GRIK2: variants seen among roughly 807,000 people sequenced by gnomAD.
GRIK2 encodes the protein glutamate receptor ionotropic, kainate 2.
A neutral mutation model predicts 100.3 loss-of-function variants in GRIK2; 32 were observed. That is an observed-to-expected ratio of 0.32 (90% CI 0.24 to 0.43). The LOEUF is 0.43. Ranked by LOEUF, GRIK2 falls within the 20% of genes least tolerant of loss-of-function variation. GRIK2 has a pLI of 1.00. For synonymous variants in GRIK2, 417 were observed against 389.4 expected (o/e 1.07, Z -0.83); for missense variants, 843 against 1,114.9 (o/e 0.76, Z 3.47).
chr6:101,783,048 T>C (rs181073450), intron 7 of GRIK2, among the ~76,000 whole-genome samples: 129 of 151,912 alleles, frequency 8.5e-4, no homozygotes, highest in African/African-American at 2.8e-3. Flanking sequence ...TTAGTAGAGA[T>C]GGGGTTTCAC....
intron 2 of GRIK2, among the ~76,000 whole-genome samples, chr6:101,423,972 G>A (rs764065323): frequency 9.2e-5 from 14 of 152,084 alleles, no homozygotes; most frequent in Non-Finnish European, 2.1e-4. Flanking sequence ...AGGTAGCTGT[G>A]GGAGTGGTAA....
intron 2 of GRIK2, among the ~76,000 whole-genome samples, chr6:101,593,408 A>G (rs191785228): frequency 2.6e-5 from 4 of 151,930 alleles, no homozygotes; most frequent in Admixed American, 6.6e-5. Context: ...AGATTTCTGT[A>G]GTTATTTATA....
intron 7 of GRIK2, among the ~76,000 whole-genome samples, chr6:101,789,070 C>A (rs774862874): frequency 2.6e-4 from 39 of 151,232 alleles, no homozygotes; most frequent in African/African-American, 5.3e-4. Flanking sequence ...TTTTTCTTGT[C>A]AATTTGTTTG....
intron 2 of GRIK2, among the ~76,000 whole-genome samples, chr6:101,534,845 C>T (rs1188905361): frequency 1.3e-5 from 2 of 151,270 alleles, no homozygotes; most frequent in Non-Finnish European, 3.0e-5. Flanking sequence ...TTTTTCAAAG[C>T]TTTTGATTTT....
At chr6:101,823,412 T>C (rs1782089309) in intron 10 of GRIK2, among the ~76,000 whole-genome samples, 1 of 152,078 alleles carries the variant, frequency 6.6e-6, no homozygotes, top group Non-Finnish European at 1.5e-5. Flanking sequence ...TTATGGATCG[T>C]CAACTACAGG....
chr6:101,778,772 A>T (rs1347198308), intron 7 of GRIK2, among the ~76,000 whole-genome samples: 1 of 152,114 alleles, frequency 6.6e-6, no homozygotes, highest in Non-Finnish European at 1.5e-5. Flanking sequence ...ACTTTTTTCA[A>T]AGAAAAGCTA....
At chr6:101,749,825 T>TTTTTTTG (rs1554257875) in intron 7 of GRIK2, among the ~76,000 whole-genome samples, 3 of 138,098 alleles carry the variant, frequency 2.2e-5, no homozygotes, top group African/African-American at 9.2e-5. Context: ...TTTTTTTTTT[T>TTTTTTTG]TGTGTGAGAC....
chr6:101,828,348 C>A (rs538708711), intron 10 of GRIK2, among the ~76,000 whole-genome samples: 1 of 151,904 alleles, frequency 6.6e-6, no homozygotes, highest in South Asian at 2.1e-4. Flanking sequence ...AAATTAACAA[C>A]CTAATCTCAA....
chr6:101,652,370 G>C (rs1262291985), intron 4 of GRIK2, among the ~76,000 whole-genome samples: 1 of 152,098 alleles, frequency 6.6e-6, no homozygotes, highest in East Asian at 1.9e-4. Flanking sequence ...CCACAACTAA[G>C]AAGAAGATTC....
At chr6:101,435,448 A>T (rs186537203) in intron 2 of GRIK2, among the ~76,000 whole-genome samples, 1 of 151,102 alleles carries the variant, frequency 6.6e-6, no homozygotes, top group African/African-American at 2.4e-5. Context: ...ATTGGGGAAT[A>T]GCAACCCCCT....
intron 7 of GRIK2, among the ~76,000 whole-genome samples, chr6:101,754,157 G>A (rs996281317): frequency 6.6e-6 from 1 of 151,970 alleles, no homozygotes; most frequent in Non-Finnish European, 1.5e-5. Context: ...TTGGTAAAGT[G>A]ATTGATTTAT....
intron 2 of GRIK2, among the ~76,000 whole-genome samples, chr6:101,452,853 A>G (rs916243932): frequency 7.2e-5 from 11 of 152,030 alleles, no homozygotes; most frequent in Admixed American, 2.0e-4. Flanking sequence ...AATGTTGTCC[A>G]TAGAAATATT....
At chr6:101,558,490 T>C (rs1303075169) in intron 2 of GRIK2, among the ~76,000 whole-genome samples, 3 of 152,092 alleles carry the variant, frequency 2.0e-5, no homozygotes, top group Non-Finnish European at 4.4e-5. Flanking sequence ...TAAGTTCCCT[T>C]GTACTATACA....
At chr6:101,446,572 A>G (rs1227082751) in intron 2 of GRIK2, among the ~76,000 whole-genome samples, 1 of 151,914 alleles carries the variant, frequency 6.6e-6, no homozygotes, top group African/African-American at 2.4e-5. Context: ...GAGCTTGATT[A>G]CATCAGATAG....
intron 14 of GRIK2, among the ~76,000 whole-genome samples, chr6:102,027,756 A>G (rs1582748462): frequency 6.6e-6 from 1 of 151,216 alleles, no homozygotes; most frequent in African/African-American, 2.4e-5. Context: ...TTCAATGAGC[A>G]TAAGATGGTT....
At chr6:101,475,531 TTAA>T (rs1281822172) in intron 2 of GRIK2, among the ~76,000 whole-genome samples, 1 of 152,042 alleles carries the variant, frequency 6.6e-6, no homozygotes, top group Non-Finnish European at 1.5e-5. Flanking sequence ...TTTTTTCACT[TTAA>T]TGTCTTTCTC....
intron 14 of GRIK2, among the ~76,000 whole-genome samples, chr6:102,027,816 G>A (rs1045706353): frequency 1.3e-5 from 2 of 150,926 alleles, no homozygotes; most frequent in Admixed American, 6.6e-5. Context: ...CAAAGGTGAG[G>A]AATCCATTTG....
intron 7 of GRIK2, among the ~76,000 whole-genome samples, chr6:101,713,394 G>A (rs1469045829): frequency 4.0e-5 from 6 of 151,576 alleles, no homozygotes; most frequent in Non-Finnish European, 8.8e-5. Flanking sequence ...AATTCGGTTC[G>A]TGAAGACTGA....
At chr6:101,803,860 T>C (rs1299643551) in intron 9 of GRIK2, among the ~76,000 whole-genome samples, 1 of 151,914 alleles carries the variant, frequency 6.6e-6, no homozygotes, top group Non-Finnish European at 1.5e-5. Context: ...ATATAATGGT[T>C]ATCAAGTACA....
Sources: gnomAD v4.1 joint callset for allele counts (sites outside exome capture counted in the v4.1 genomes callset) on GRCh38, gnomAD v4.1.1 for gene constraint, MANE v1.5 for transcripts, NCBI Gene and HGNC (gene_info 2026-07-23, HGNC 2026-07-21) for gene names.